The following PADI2 variants were observed in gnomAD, a reference collection of about 807,000 sequenced individuals.
PADI2 encodes peptidyl arginine deiminase 2.
In PADI2, 70 loss-of-function variants were observed where a neutral mutation model predicts 81.1. That is an observed-to-expected ratio of 0.86 (90% CI 0.71 to 1.05). The LOEUF is 1.05. Ranked by LOEUF, PADI2 falls within the 50% of genes least tolerant of loss-of-function variation. The pLI is 0.00. For missense variants in PADI2, 853 were observed against 889.9 expected, an observed-to-expected ratio of 0.96 and a Z score of 0.53; for synonymous variants, 338 against 358.0, an observed-to-expected ratio of 0.94 and a Z score of 0.63.
intron 13 of PADI2, among the ~76,000 whole-genome samples, chr1:17,072,016 C>T (rs920079700): frequency 2.6e-5 from 4 of 152,158 alleles, no homozygotes; most frequent in African/African-American, 7.2e-5. Flanking sequence ...ACTATGTGGC[C>T]GACGCTCTTC....
At chr1:17,089,444 C>G in intron 6 of PADI2, among the ~76,000 whole-genome samples, 1 of 152,352 alleles carries the variant, frequency 6.6e-6, no homozygotes, top group South Asian at 2.1e-4. Context: ...AGAAGCCACA[C>G]AGCCAAAGCT....
In PADI2 at chr1:17,086,699, T is replaced by C. The variant is rs1287929194; in HGVS notation, c.656A>G (p.Asn219Ser). The change falls in exon 7 of 16, where the codon AAC (asparagine) becomes AGC (serine). Residue 219 changes from asparagine (N) to serine (S), a missense_variant and splice_region_variant. Physicochemically the swap from Asn to Ser is conservative, Grantham distance 46. Transcript: ENST00000375486. ...SDKVGVFYVE[N>S]PFFGQRYIHI... is the part of the protein sequence containing the mutation. Reference sequence around the variant, plus strand: ...GATATAGCGTTGGCCGAAGAACGGGTCTGGAGGGAAAAGGACCAACGTCAG... The same window carrying C: ...GATATAGCGTTGGCCGAAGAACGGGCCTGGAGGGAAAAGGACCAACGTCAG... 6 of 1,612,596 alleles carry C rather than the reference T, an allele frequency of 3.7e-6. No individual in the cohort carries two copies. The highest frequency in any genetic ancestry group is 5.1e-6 in the Non-Finnish European group (6 of 1,179,322).
chr1:17,075,044 C>T, intron 12 of PADI2, 95 bp from the exon 13 acceptor site: 1 of 696,566 alleles, frequency 1.4e-6, no homozygotes, highest in Non-Finnish European at 2.5e-6. Flanking sequence ...GCCTTGCCTG[C>T]TCATTGCCTC....
At position 17,104,431 on chromosome 1, in the gene PADI2, C is replaced by CTTTTTTTTTTTTTTTTTTTTTT. The variant is rs1217484961; in HGVS notation, c.276+446_276+447insAAAAAAAAAAAAAAAAAAAAAA. ...TTTCACCTGTTTCTTTTTGCCTTTT[C>CTTTTTTTTTTTTTTTTTTTTTT]TTTTTTTTTTTTTTTTTTTTTGAGA... On this transcript the variant is annotated intron_variant, in intron 2 of 15. Coordinates refer to ENST00000375486, the MANE Select transcript of PADI2 (RefSeq NM_007365.3). Among the ~76,000 whole-genome samples, 4 of 79,790 alleles carry CTTTTTTTTTTTTTTTTTTTTTT rather than the reference C, an allele frequency of 5.0e-5. 1 individual carries two copies. Among genetic ancestry groups the CTTTTTTTTTTTTTTTTTTTTTT allele is most frequent in the African/African-American group, 2.0e-4 (4 of 20,204 alleles). 52.3% of individuals were successfully genotyped at this position (79,790 alleles called of 152,430 possible). A position where few individuals can be genotyped will look rare whatever the true frequency, so the allele number is the denominator to read the frequency against.
At chr1:17,096,121 C>A in intron 3 of PADI2, 151 bp from the exon 4 acceptor site, 1 of 526,014 alleles carries the variant, frequency 1.9e-6, no homozygotes, top group East Asian at 3.3e-5. Flanking sequence ...ATGCAACCCC[C>A]TGCCTCAACA....
At chr1:17,075,035 C>T in intron 12 of PADI2, 86 bp from the exon 13 acceptor site, 1 of 771,432 alleles carries the variant, frequency 1.3e-6, no homozygotes. Context: ...GGACCCAGTG[C>T]CTTGCCTGCT....
chr1:17,104,284 C>T (rs750421333), intron 2 of PADI2, among the ~76,000 whole-genome samples: 11 of 151,176 alleles, frequency 7.3e-5, no homozygotes, highest in South Asian at 2.1e-4. Context: ...AGGGAGACTC[C>T]GTCTCAAACA....
Position 17,075,809 on chromosome 1 carries a change from C to T in PADI2, c.1325G>A (p.Arg442Lys), listed in dbSNP as rs1456837097. 1.2e-6 allele frequency: 2 copies of T among 1,613,694 alleles called. No homozygotes were observed. The highest frequency in any genetic ancestry group is 2.2e-5 in the East Asian group (1 of 44,890). ...GSSFPLSGGR[R>K]MTKVVRDFLK... ...GAAGTCACGCACCACCTTGGTCATC[C>T]TCCGACCACCAGACCTGGAGAAGGG... The change falls in exon 12 of 16, where the codon AGG (arginine) becomes AAG (lysine). Residue 442 changes from arginine (R) to lysine (K), a missense_variant. By Grantham distance (26) the Arg-to-Lys change is conservative (BLOSUM62 2). Transcript: ENST00000375486.
At chr1:17,101,716 G>A (rs1022288968) in intron 3 of PADI2, among the ~76,000 whole-genome samples, 2 of 152,258 alleles carry the variant, frequency 1.3e-5, no homozygotes, top group East Asian at 1.9e-4. Context: ...GGGCTGGCTC[G>A]GGAGTTAGTT....
At chr1:17,082,751 A>G in intron 9 of PADI2, 99 bp from the exon 10 acceptor site, 2 of 707,124 alleles carry the variant, frequency 2.8e-6, no homozygotes, top group Middle Eastern at 2.5e-4. Context: ...AGGAAGAAGA[A>G]CGTCTGTCTT....
rs376934184 is a variant in PADI2, at chr1:17,083,836, T to G, written c.940A>C (p.Met314Leu). 6 of 1,593,964 alleles carry G rather than the reference T, an allele frequency of 3.8e-6. No individual in the cohort carries two copies. Among genetic ancestry groups the G allele is most frequent in the Admixed American group, 3.3e-5 (2 of 59,968 alleles). ...TTCAGGAACAGGTAATTATCCTTCA[T>G]GCTGAGAAGTTGGGGGAAGAAGGAG... ...LPPVSVFVCC[M>L]KDNYLFLKEV... Residue 314 changes from methionine to leucine, a missense_variant and splice_region_variant, in exon 9 of 16, where the codon ATG (methionine) becomes CTG (leucine). Coordinates refer to ENST00000375486, the MANE Select transcript of PADI2 (RefSeq NM_007365.3).
At chr1:17,094,268 T>C (rs1162797440) in intron 4 of PADI2, among the ~76,000 whole-genome samples, 2 of 152,148 alleles carry the variant, frequency 1.3e-5, no homozygotes, top group Non-Finnish European at 2.9e-5. Context: ...AAACTTGCCT[T>C]CCTCTCTGTC....
At chr1:17,076,347 T>A (rs2078302819) in intron 11 of PADI2, among the ~76,000 whole-genome samples, 1 of 152,140 alleles carries the variant, frequency 6.6e-6, no homozygotes, top group Non-Finnish European at 1.5e-5. Context: ...CCTGAGTAGC[T>A]GGGACTACAG....
chr1:17,079,366 G>C lies in PADI2; in HGVS notation c.1208C>G (p.Thr403Ser). ...CAGGTTTCCAAATGAGTCAAGGCTG[G>C]TGACAGACTCAAAGAGGGGCTCCCG... ...VTREPLFESV[T>S]SLDSFGNLEV... The change falls in exon 11 of 16, where the codon ACC (threonine) becomes AGC (serine). Residue 403 changes from threonine (T) to serine (S), a missense_variant. By Grantham distance (58) the Thr-to-Ser change is moderately conservative. Transcript: ENST00000375486. 2.5e-6 allele frequency: 4 copies of C among 1,614,054 alleles called. No homozygotes were observed. The highest frequency in any genetic ancestry group is 3.4e-6 in the Non-Finnish European group (4 of 1,179,914).
chr1:17,075,065 T>C, intron 12 of PADI2, 116 bp from the exon 13 acceptor site: 1 of 605,932 alleles, frequency 1.7e-6, no homozygotes, highest in South Asian at 2.0e-5. Context: ...AGGCCTCCCA[T>C]GCCGAGTGGC....
chr1:17,100,537 G>A (rs1328712991), intron 3 of PADI2, among the ~76,000 whole-genome samples: 4 of 151,760 alleles, frequency 2.6e-5, no homozygotes, highest in Admixed American at 1.3e-4. Context: ...CGCCCACCTC[G>A]GCCTCCCAAA....
At chr1:17,082,944 C>T in intron 9 of PADI2, 1 of 264,712 alleles carries the variant, frequency 3.8e-6, no homozygotes, top group Non-Finnish European at 7.1e-6. Context: ...GATTATGGCC[C>T]ACTGCAGCCT....
intron 1 of PADI2, among the ~76,000 whole-genome samples, chr1:17,116,342 G>T (rs547624921): frequency 1.3e-5 from 2 of 152,172 alleles, no homozygotes; most frequent in African/African-American, 2.4e-5. Context: ...AGGCCGTTTC[G>T]CTCACCTTTG....
chr1:17,090,711 G>A (rs765210163), intron 6 of PADI2, among the ~76,000 whole-genome samples: 30 of 151,756 alleles, frequency 2.0e-4, no homozygotes, highest in South Asian at 2.1e-4. Context: ...GCTCCCCACA[G>A]GATGGGCAGC....
Sources: allele counts gnomAD v4.1 joint callset (sites outside exome capture counted in the v4.1 genomes callset), GRCh38; gene constraint gnomAD v4.1.1; transcripts MANE v1.5; gene names NCBI Gene and HGNC (gene_info 2026-07-23, HGNC 2026-07-21).